Variants in SFMBT1 observed in about 807,000 individuals in gnomAD.
The protein encoded by SFMBT1 is Scm like with four mbt domains 1.
SFMBT1 carries 32 observed loss-of-function variants against 108.7 expected under a neutral mutation model. The observed-to-expected ratio is 0.29, with a 90% CI of 0.22 to 0.40. The LOEUF is 0.40. Ranked by LOEUF, SFMBT1 falls within the 10% of genes least tolerant of loss-of-function variation. The pLI is 1.00. For synonymous variants in SFMBT1, 348 were observed against 369.5 expected, an observed-to-expected ratio of 0.94 and a Z score of 0.67; for missense variants, 816 against 1,059.6, an observed-to-expected ratio of 0.77 and a Z score of 3.19.
chr3:53,044,963 T>G (rs1700167183), intron 1 of SFMBT1: 1 of 152,294 alleles, frequency 6.6e-6, no homozygotes, highest in Admixed American at 6.5e-5. Context: ...CCGCGGGAAT[T>G]TATTTCTGTT....
At chr3:53,017,713 G>T (rs1699173195) in intron 1 of SFMBT1, among the ~76,000 whole-genome samples, 1 of 152,066 alleles carries the variant, frequency 6.6e-6, no homozygotes, top group Non-Finnish European at 1.5e-5. Flanking sequence ...CCCTTCTCCT[G>T]CAGCTTATAC....
chr3:52,927,767 T>A (rs755217309), intron 9 of SFMBT1, among the ~76,000 whole-genome samples: 19 of 152,180 alleles, frequency 1.2e-4, no homozygotes, highest in Non-Finnish European at 2.2e-4. Context: ...CTCAGACACC[T>A]AAAGATAATC....
intron 1 of SFMBT1, among the ~76,000 whole-genome samples, chr3:53,014,949 G>A (rs937682850): frequency 6.6e-6 from 1 of 152,236 alleles, no homozygotes; most frequent in African/African-American, 2.4e-5. Context: ...ACCGGGAGCA[G>A]TGGCTCATGC....
chr3:52,950,714 T>C (rs970477438), intron 3 of SFMBT1, among the ~76,000 whole-genome samples: 1 of 152,234 alleles, frequency 6.6e-6, no homozygotes, highest in East Asian at 1.9e-4. Flanking sequence ...CCTCAGGTGA[T>C]CCACCCGCCA....
intron 3 of SFMBT1, among the ~76,000 whole-genome samples, chr3:52,953,660 T>C (rs1703670067): frequency 6.6e-6 from 1 of 152,194 alleles, no homozygotes; most frequent in Non-Finnish European, 1.5e-5. Flanking sequence ...CAGCAAATAA[T>C]GCTATTGAAA....
intron 1 of SFMBT1, among the ~76,000 whole-genome samples, chr3:53,012,947 C>T (rs1699004766): frequency 6.6e-6 from 1 of 151,594 alleles, no homozygotes; most frequent in African/African-American, 2.4e-5. Context: ...GAAAAGCTAA[C>T]ATCTCTCAAA....
At chr3:52,947,549 C>T (rs1703413478) in intron 3 of SFMBT1, among the ~76,000 whole-genome samples, 1 of 152,064 alleles carries the variant, frequency 6.6e-6, no homozygotes, top group African/African-American at 2.4e-5. Context: ...TTGGGAAATG[C>T]TTAAGTTCCT....
chr3:52,940,632 A>C (rs1703149975), intron 4 of SFMBT1, among the ~76,000 whole-genome samples: 2 of 152,238 alleles, frequency 1.3e-5, no homozygotes. Context: ...AATTTTTTAA[A>C]ACACCATTTG....
At chr3:52,968,365 A>G (rs1266351407) in intron 2 of SFMBT1, among the ~76,000 whole-genome samples, 1 of 152,164 alleles carries the variant, frequency 6.6e-6, no homozygotes, top group East Asian at 1.9e-4. Flanking sequence ...CCAGGAATCT[A>G]CACATGTGAC....
chr3:52,943,393 C>T lies in SFMBT1; in HGVS notation c.324G>A (p.Gly108=). 1.9e-6 allele frequency: 3 copies of T among 1,614,194 alleles called. No homozygotes were observed. The highest frequency in any genetic ancestry group is 2.7e-5 in the African/African-American group (2 of 75,038). Residue 108 remains glycine (G), a synonymous_variant, in exon 4 of 21, where the codon GGG becomes GGA. Coordinates refer to ENST00000394752, the MANE Select transcript of SFMBT1 (RefSeq NM_016329.4). ...GGGTCTTCTTATTCTGCTCACACCA[C>T]CCAATGGGGTAGAGATCAGCCTTCC... ...DIRKADLYPI[G]WCEQNKKTLE...
chr3:53,001,470 T>A lies in SFMBT1; in HGVS notation c.-130-32212A>T, dbSNP rs535404842. Reference sequence around the variant, plus strand: ...TCCATCACTCTTAATTATTCTTACATCCTCAGGTCATCCCTGAACAGAAGA... The same window carrying A: ...TCCATCACTCTTAATTATTCTTACAACCTCAGGTCATCCCTGAACAGAAGA... On this transcript the variant is annotated intron_variant, in intron 1 of 20. Transcript: ENST00000394752. 1.1e-4 allele frequency among the ~76,000 whole-genome samples: 17 copies of A among 150,052 alleles called. 2 individuals are homozygous for A. The highest frequency in any genetic ancestry group is 2.2e-4 in the Non-Finnish European group (15 of 67,012).
chr3:53,001,925 T>TCTCTCACACACACACA (rs1448849638), intron 1 of SFMBT1, among the ~76,000 whole-genome samples: 43 of 129,236 alleles, frequency 3.3e-4, no homozygotes, highest in Admixed American at 1.6e-3. Context: ...ACCCAGTCTC[T>TCTCTCACACACACACA]CACACACACA....
intron 2 of SFMBT1, among the ~76,000 whole-genome samples, chr3:52,957,626 C>CT (rs1178826085): frequency 2.0e-5 from 3 of 152,130 alleles, no homozygotes; most frequent in Admixed American, 1.3e-4. Context: ...ACCAATGGAA[C>CT]AGAATAGAGA....
intron 1 of SFMBT1, among the ~76,000 whole-genome samples, chr3:53,000,450 C>T (rs1698508420): frequency 6.7e-6 from 1 of 149,894 alleles, no homozygotes; most frequent in Admixed American, 6.8e-5. Flanking sequence ...CACACAATTA[C>T]ATTAGGAAAA....
chr3:52,963,944 C>T (rs1464996849), intron 2 of SFMBT1, among the ~76,000 whole-genome samples: 3 of 152,142 alleles, frequency 2.0e-5, no homozygotes, highest in Non-Finnish European at 2.9e-5. Context: ...GCAAACAAGA[C>T]ATTTCTAAAA....
At chr3:53,013,615 C>CTTTTTTTTTTTTTT (rs397989629) in intron 1 of SFMBT1, among the ~76,000 whole-genome samples, 1 of 58,082 alleles carries the variant, frequency 1.7e-5, no homozygotes, top group Non-Finnish European at 2.8e-5. Context: ...TATAAAGAAT[C>CTTTTTTTTTTTTTT]TTTTTTTTTT....
At chr3:52,997,588 C>T (rs754598300) in intron 1 of SFMBT1, among the ~76,000 whole-genome samples, 1 of 149,984 alleles carries the variant, frequency 6.7e-6, no homozygotes, top group Non-Finnish European at 1.5e-5. Flanking sequence ...ACTACTGATA[C>T]ATGCAATAAC....
chr3:52,908,072 C>CT lies in SFMBT1; in HGVS notation c.1907-340dup, dbSNP rs917544866. Among the ~76,000 whole-genome samples the CT allele has an allele frequency of 9.7e-3, 1,310 of 134,506 alleles. 14 individuals are homozygous for CT. Among genetic ancestry groups the CT allele is most frequent in the African/African-American group, 0.012 (447 of 36,878 alleles). The allele number at this position is 134,506 out of a possible 152,430, so 88.2% of individuals were successfully genotyped here. ...ACAGTAAGCACTTTTTTGTGTGTGA[C>CT]TTTTTTTTTTTTTTTTTTTTGAGAT... On this transcript the variant is annotated intron_variant, in intron 17 of 20. Transcript: ENST00000394752.
intron 1 of SFMBT1, among the ~76,000 whole-genome samples, chr3:53,034,843 G>A (rs867936973): frequency 6.6e-6 from 1 of 152,248 alleles, no homozygotes. Flanking sequence ...GGAGGCTGAG[G>A]CAGGAAAACT....
Sources: gnomAD v4.1 joint callset for allele counts (sites outside exome capture counted in the v4.1 genomes callset) on GRCh38, gnomAD v4.1.1 for gene constraint, MANE v1.5 for transcripts, NCBI Gene and HGNC (gene_info 2026-07-23, HGNC 2026-07-21) for gene names.